The following PTPRD variants were observed in gnomAD, a reference collection of about 807,000 sequenced individuals.
PTPRD encodes protein tyrosine phosphatase receptor type D.
Under a neutral mutation model 214.5 loss-of-function variants are expected in PTPRD, and 34 were observed. The ratio of observed to expected loss-of-function variants is 0.16; its 90% CI spans 0.12 to 0.21. The LOEUF is 0.21. Ranked by LOEUF, PTPRD falls within the 10% of genes least tolerant of loss-of-function variation. PTPRD has a pLI of 1.00. For synonymous variants in PTPRD, 1,128 were observed against 845.7 expected, an observed-to-expected ratio of 1.33 and a Z score of -5.79; for missense variants, 2,545 against 2,398.7, an observed-to-expected ratio of 1.06 and a Z score of -1.27.
At chr9:10,271,530 G>A (rs1249333938) in intron 3 of PTPRD, among the ~76,000 whole-genome samples, 1 of 117,698 alleles carries the variant, frequency 8.5e-6, no homozygotes, top group Admixed American at 1.0e-4. Context: ...AAATTCAATT[G>A]TTTCTTTTCT....
intron 3 of PTPRD, among the ~76,000 whole-genome samples, chr9:10,333,366 T>A (rs1284540259): frequency 3.3e-5 from 5 of 151,758 alleles, no homozygotes; most frequent in Non-Finnish European, 5.9e-5. Flanking sequence ...CAGGAAGACA[T>A]CAAAGTAGCT....
intron 11 of PTPRD, among the ~76,000 whole-genome samples, chr9:8,980,733 C>G (rs1257962153): frequency 1.3e-5 from 2 of 152,026 alleles, no homozygotes; most frequent in African/African-American, 4.8e-5. Flanking sequence ...CAAATCCCTA[C>G]CTTGAATGAT....
intron 9 of PTPRD, among the ~76,000 whole-genome samples, chr9:9,196,107 C>A (rs918760831): frequency 1.3e-5 from 2 of 152,078 alleles, no homozygotes; most frequent in Non-Finnish European, 2.9e-5. Context: ...GCATACCTGA[C>A]CTTCAATGTT....
intron 11 of PTPRD, among the ~76,000 whole-genome samples, chr9:8,845,449 G>A (rs1216994236): frequency 6.6e-6 from 1 of 152,186 alleles, no homozygotes; most frequent in African/African-American, 2.4e-5. Context: ...ACTTTACAAG[G>A]CCCTGTGAAA....
Position 9,310,292 on chromosome 9 carries a change from T to C in PTPRD, c.-203+87157A>G, listed in dbSNP as rs150607939. Among the ~76,000 whole-genome samples, 749 of 152,220 alleles carry C rather than the reference T, an allele frequency of 4.9e-3. 3 individuals carry two copies. Among genetic ancestry groups the C allele is most frequent in the African/African-American group, 0.017 (714 of 41,548 alleles). On this transcript the variant is annotated intron_variant, in intron 9 of 45. Transcript: ENST00000381196. ...AGTGGGGGCAGGTTTCAAGGCAGCA[T>C]GATGGAAGACACACACCTTGCAGTG...
intron 2 of PTPRD, among the ~76,000 whole-genome samples, chr9:10,478,398 C>T (rs978722560): frequency 1.3e-5 from 2 of 152,014 alleles, no homozygotes; most frequent in African/African-American, 2.4e-5. Context: ...GCCTTGATAC[C>T]TGTACAAAGG....
chr9:8,626,131 G>C (rs534981337), intron 14 of PTPRD, among the ~76,000 whole-genome samples: 9 of 151,886 alleles, frequency 5.9e-5, no homozygotes, highest in Middle Eastern at 3.4e-3. Context: ...TTAATTAGTA[G>C]CTTAAAATAA....
chr9:9,739,135 A>T (rs1039878565), intron 6 of PTPRD, among the ~76,000 whole-genome samples: 1 of 152,198 alleles, frequency 6.6e-6, no homozygotes, highest in African/African-American at 2.4e-5. Flanking sequence ...CTAAAAAGGC[A>T]TGCATGTGTG....
chr9:9,109,778 A>T (rs2099803510), intron 10 of PTPRD, among the ~76,000 whole-genome samples: 1 of 152,116 alleles, frequency 6.6e-6, no homozygotes, highest in African/African-American at 2.4e-5. Context: ...TAATATCAAC[A>T]TTTATTTTCT....
At chr9:9,104,588 A>C (rs139764646) in intron 10 of PTPRD, among the ~76,000 whole-genome samples, 1 of 152,340 alleles carries the variant, frequency 6.6e-6, no homozygotes, top group African/African-American at 2.4e-5. Context: ...CTGTCAGCTA[A>C]AACAAGTGCT....
In PTPRD at chr9:10,164,679, A is replaced by G. The variant is rs141550018; in HGVS notation, c.-544-130889T>C. Among the ~76,000 whole-genome samples the G allele has an allele frequency of 1.3e-3, 197 of 151,770 alleles. 1 individual carries two copies. Among genetic ancestry groups the G allele is most frequent in the African/African-American group, 4.3e-3 (179 of 41,528 alleles). On this transcript the variant is annotated intron_variant, in intron 3 of 45. Coordinates refer to ENST00000381196, the MANE Select transcript of PTPRD (RefSeq NM_002839.4). ...TTCATAAGTAAAATATCAAAGATTT[A>G]TTTGAAAGTTGGTATTCAAATAGAA...
chr9:8,497,967 A>G (rs988027986), intron 25 of PTPRD, among the ~76,000 whole-genome samples: 5 of 152,320 alleles, frequency 3.3e-5, no homozygotes, highest in Admixed American at 2.6e-4. Flanking sequence ...ACAAGATAAA[A>G]CGTAGCAATG....
At chr9:10,354,743 C>T (rs1469053421) in intron 2 of PTPRD, among the ~76,000 whole-genome samples, 2 of 152,106 alleles carry the variant, frequency 1.3e-5, no homozygotes, top group Non-Finnish European at 2.9e-5. Context: ...ATCTTCATTT[C>T]TTTTGTCACT....
chr9:10,370,944 T>C (rs1411178711), intron 2 of PTPRD, among the ~76,000 whole-genome samples: 1 of 152,040 alleles, frequency 6.6e-6, no homozygotes, highest in African/African-American at 2.4e-5. Flanking sequence ...GAAGTATTTC[T>C]GTTTGATGGA....
chr9:10,443,715 T>A (rs2098777725), intron 2 of PTPRD, among the ~76,000 whole-genome samples: 1 of 151,552 alleles, frequency 6.6e-6, no homozygotes, highest in African/African-American at 2.4e-5. Flanking sequence ...CCCTTAGGAA[T>A]TCTCCTCAGT....
chr9:9,377,361 A>C (rs1009741722), intron 9 of PTPRD, among the ~76,000 whole-genome samples: 2 of 152,120 alleles, frequency 1.3e-5, no homozygotes, highest in African/African-American at 2.4e-5. Context: ...TTTTCCTGTG[A>C]TTATCAACAA....
At chr9:8,960,180 T>A (rs963046885) in intron 11 of PTPRD, among the ~76,000 whole-genome samples, 1 of 152,092 alleles carries the variant, frequency 6.6e-6, no homozygotes, top group Non-Finnish European at 1.5e-5. Context: ...GTGATAGTAT[T>A]AGTTCTAGGT....
Position 9,783,232 on chromosome 9 carries a change from A to AG in PTPRD, c.-367-16382dup, listed in dbSNP as rs201456640. ...ATCCTCAAATGATTTTCCCCATTAT[A>AG]GGAGATGTGCATTTGTATATTTTTT... On this transcript the variant is annotated intron_variant, in intron 5 of 45. Transcript: ENST00000381196. Among the ~76,000 whole-genome samples, 15 of 152,308 alleles carry AG rather than the reference A, an allele frequency of 9.8e-5. No homozygotes were observed. The East Asian group carries it at 2.9e-3, about 29-fold the overall frequency.
chr9:9,776,812 A>G (rs2098801963), intron 5 of PTPRD, among the ~76,000 whole-genome samples: 1 of 152,188 alleles, frequency 6.6e-6, no homozygotes, highest in African/African-American at 2.4e-5. Context: ...TCTCTTTCCA[A>G]CAACTGCTCA....
Sources: gnomAD v4.1 joint callset for allele counts (sites outside exome capture counted in the v4.1 genomes callset) on GRCh38, gnomAD v4.1.1 for gene constraint, MANE v1.5 for transcripts, NCBI Gene and HGNC (gene_info 2026-07-23, HGNC 2026-07-21) for gene names.